Variants in ALDH1A2 observed in about 807,000 individuals in gnomAD.
ALDH1A2 encodes retinal dehydrogenase 2.
Under a neutral mutation model 60.3 loss-of-function variants are expected in ALDH1A2, and 27 were observed. The observed-to-expected ratio is 0.45, with a 90% CI of 0.33 to 0.62. ALDH1A2 has a LOEUF of 0.62. Ranked by LOEUF, ALDH1A2 falls within the 20% of genes least tolerant of loss-of-function variation. ALDH1A2 has a pLI of 0.02. For synonymous variants in ALDH1A2, 289 were observed against 232.4 expected, an observed-to-expected ratio of 1.24 and a Z score of -2.21; for missense variants, 581 against 643.8, an observed-to-expected ratio of 0.90 and a Z score of 1.06.
chr15:57,975,939 G>A (rs1357722734), intron 7 of ALDH1A2, among the ~76,000 whole-genome samples: 1 of 152,012 alleles, frequency 6.6e-6, no homozygotes, highest in Non-Finnish European at 1.5e-5. Flanking sequence ...GATACACATG[G>A]CCAAGACTTA....
At chr15:58,057,801 G>C (rs1896934693) in intron 1 of ALDH1A2, among the ~76,000 whole-genome samples, 1 of 152,082 alleles carries the variant, frequency 6.6e-6, no homozygotes, top group Admixed American at 6.6e-5. Flanking sequence ...CTCTGCCAGA[G>C]TGACTCACAA....
chr15:57,982,245 T>C (rs1027331660), intron 7 of ALDH1A2, among the ~76,000 whole-genome samples: 11 of 152,188 alleles, frequency 7.2e-5, no homozygotes, highest in African/African-American at 2.2e-4. Flanking sequence ...AGCTGGGATA[T>C]CTGAGGCCTG....
At chr15:58,021,255 T>C (rs759961405) in intron 1 of ALDH1A2, among the ~76,000 whole-genome samples, 2 of 152,218 alleles carry the variant, frequency 1.3e-5, no homozygotes, top group Non-Finnish European at 2.9e-5. Context: ...GCAGTTTATA[T>C]GACTGACTCC....
intron 8 of ALDH1A2, 151 bp downstream of exon 8, chr15:57,965,574 C>A: frequency 1.4e-6 from 1 of 712,838 alleles, no homozygotes; most frequent in Admixed American, 2.2e-5. Context: ...GCTCTTTCCC[C>A]ATTATTAAAC....
chr15:58,017,465 A>G (rs959028573), intron 1 of ALDH1A2, among the ~76,000 whole-genome samples: 2 of 152,202 alleles, frequency 1.3e-5, no homozygotes, highest in African/African-American at 4.8e-5. Flanking sequence ...AAACAAAAAC[A>G]TGGCCACCTT....
At chr15:58,040,562 G>A (rs562639246) in intron 1 of ALDH1A2, among the ~76,000 whole-genome samples, 1 of 151,876 alleles carries the variant, frequency 6.6e-6, no homozygotes, top group Non-Finnish European at 1.5e-5. Flanking sequence ...TAAAGTTTAT[G>A]ATGTAAATCC....
At position 58,033,777 on chromosome 15, in the gene ALDH1A2, A is replaced by G. The variant is rs141400242; in HGVS notation, c.118-19496T>C. 6.5e-4 allele frequency among the ~76,000 whole-genome samples: 94 copies of G among 144,498 alleles called. No homozygotes were observed. The East Asian group carries it at 0.018, about 28-fold the overall frequency. 94.8% of individuals were successfully genotyped at this position (144,498 alleles called of 152,430 possible). ...CTCCACTATGTGCTTTTGCTCCTTT[A>G]TCAGGGATCAGTTGACTACATTTGT... is the stretch of plus-strand genomic sequence containing the variant. On this transcript the variant is annotated intron_variant, in intron 1 of 12. Coordinates refer to ENST00000249750, the MANE Select transcript of ALDH1A2 (RefSeq NM_003888.4).
intron 2 of ALDH1A2, 57 bp from the exon 3 acceptor site, chr15:58,014,055 AT>A: frequency 6.2e-7 from 1 of 1,614,048 alleles, no homozygotes; most frequent in Non-Finnish European, 8.5e-7. Flanking sequence ...AGGAAGAACC[AT>A]CCACTGTCAT....
intron 1 of ALDH1A2, among the ~76,000 whole-genome samples, chr15:58,022,221 A>G (rs933316308): frequency 6.6e-6 from 1 of 152,158 alleles, no homozygotes; most frequent in Admixed American, 6.5e-5. Context: ...GACAGAGCAC[A>G]TAGATTGAGG....
chr15:58,015,805 A>G (rs1335626357), intron 1 of ALDH1A2, among the ~76,000 whole-genome samples: 3 of 152,204 alleles, frequency 2.0e-5, no homozygotes, highest in African/African-American at 7.2e-5. Flanking sequence ...TTCCAGGATT[A>G]GTCAGCCCAA....
intron 1 of ALDH1A2, among the ~76,000 whole-genome samples, chr15:58,029,601 G>C (rs535046765): frequency 6.8e-6 from 1 of 146,686 alleles, no homozygotes. Flanking sequence ...AAAAAAAATC[G>C]ATGAATCCAG....
intron 4 of ALDH1A2, among the ~76,000 whole-genome samples, chr15:58,005,402 A>G (rs1294809881): frequency 6.6e-6 from 1 of 151,982 alleles, no homozygotes; most frequent in East Asian, 1.9e-4. Flanking sequence ...TTGTAACCCA[A>G]TGCCTAATAC....
At chr15:57,973,449 G>A (rs868718886) in intron 7 of ALDH1A2, among the ~76,000 whole-genome samples, 1 of 152,120 alleles carries the variant, frequency 6.6e-6, no homozygotes, top group Non-Finnish European at 1.5e-5. Context: ...ATCTCCCTAA[G>A]GTAATCACAG....
intron 4 of ALDH1A2, among the ~76,000 whole-genome samples, chr15:57,996,024 G>A (rs1044116591): frequency 2.5e-4 from 38 of 151,952 alleles, no homozygotes; most frequent in African/African-American, 8.7e-4. Context: ...TCCACTGCCG[G>A]CCCTTAGGCC....
intron 7 of ALDH1A2, among the ~76,000 whole-genome samples, chr15:57,974,152 C>G (rs757696473): frequency 5.9e-5 from 9 of 152,068 alleles, no homozygotes; most frequent in Admixed American, 3.3e-4. Flanking sequence ...AGAAATAGAC[C>G]CATATAGGGC....
intron 1 of ALDH1A2, among the ~76,000 whole-genome samples, chr15:58,037,016 T>G (rs1896393554): frequency 6.6e-6 from 1 of 151,712 alleles, no homozygotes. Context: ...TACCCCGATT[T>G]AAGAAGTGTA....
intron 1 of ALDH1A2, among the ~76,000 whole-genome samples, chr15:58,047,561 A>C (rs879135760): frequency 6.6e-6 from 1 of 152,032 alleles, no homozygotes; most frequent in Admixed American, 6.6e-5. Context: ...TGATCATCTC[A>C]GTATGGCACT....
intron 1 of ALDH1A2, among the ~76,000 whole-genome samples, chr15:58,043,534 C>T (rs1896568520): frequency 6.6e-6 from 1 of 152,036 alleles, no homozygotes; most frequent in East Asian, 1.9e-4. Context: ...ATGACTGCTG[C>T]AGAGTATGCC....
chr15:57,988,045 G>C (rs1894769222), intron 7 of ALDH1A2, among the ~76,000 whole-genome samples: 1 of 152,072 alleles, frequency 6.6e-6, no homozygotes, highest in South Asian at 2.1e-4. Context: ...ACACAAACAA[G>C]GAAGGAGGCC....
Sources: allele counts gnomAD v4.1 joint callset (sites outside exome capture counted in the v4.1 genomes callset), GRCh38; gene constraint gnomAD v4.1.1; transcripts MANE v1.5; gene names NCBI Gene and HGNC (gene_info 2026-07-23, HGNC 2026-07-21).